Variants in BEND5 observed in about 807,000 individuals in gnomAD.
BEND5 encodes BEN domain containing 5.
Under a neutral mutation model 43.9 loss-of-function variants are expected in BEND5, and 22 were observed. That is an observed-to-expected ratio of 0.50 (90% CI 0.36 to 0.72). The LOEUF is 0.72. Among genes scored for constraint, BEND5 ranks in the 30% least tolerant of loss-of-function variants. BEND5 has a pLI of 0.00. For synonymous variants in BEND5, 228 were observed against 225.9 expected, an observed-to-expected ratio of 1.01 and a Z score of -0.08; for missense variants, 428 against 550.6, an observed-to-expected ratio of 0.78 and a Z score of 2.23.
chr1:48,730,734 T>C (rs1201634834), intron 5 of BEND5, among the ~76,000 whole-genome samples: 4 of 152,200 alleles, frequency 2.6e-5, no homozygotes, highest in Admixed American at 2.6e-4. Context: ...TTGCCGGGAA[T>C]GTCTCCCTCT....
intron 5 of BEND5, among the ~76,000 whole-genome samples, chr1:48,728,280 G>A (rs562366391): frequency 3.3e-5 from 5 of 152,014 alleles, no homozygotes; most frequent in African/African-American, 4.8e-5. Context: ...CCACTCAGTG[G>A]AGCAGGATAC....
At chr1:48,746,627 G>T (rs1424990352) in intron 3 of BEND5, among the ~76,000 whole-genome samples, 3 of 152,214 alleles carry the variant, frequency 2.0e-5, no homozygotes, top group South Asian at 4.1e-4. Flanking sequence ...TCTACAGAAG[G>T]TCGGCTTGAA....
At chr1:48,771,748 T>C (rs1366834030) in intron 1 of BEND5, among the ~76,000 whole-genome samples, 1 of 152,196 alleles carries the variant, frequency 6.6e-6, no homozygotes, top group Non-Finnish European at 1.5e-5. Context: ...TTTGTAGAAG[T>C]TCCAAAGCAT....
intron 1 of BEND5, among the ~76,000 whole-genome samples, chr1:48,763,166 G>T (rs1045222424): frequency 6.6e-6 from 1 of 152,026 alleles, no homozygotes; most frequent in African/African-American, 2.4e-5. Flanking sequence ...GATGATAAAT[G>T]AACTGCTCAG....
rs893532633 is a variant in BEND5, at chr1:48,757,044, G to A, written c.745+1856C>T. On this transcript the variant is annotated intron_variant, in intron 3 of 5. Transcript: ENST00000371833. Reference sequence around the variant, plus strand: ...AAAGAGGCATATAATGATGTAAAATGCAGGGTGTCTTACCACCCCAGAGGC... The same window carrying A: ...AAAGAGGCATATAATGATGTAAAATACAGGGTGTCTTACCACCCCAGAGGC... Among the ~76,000 whole-genome samples, 3 of 152,156 alleles carry A rather than the reference G, an allele frequency of 2.0e-5. No individual in the cohort carries two copies. The South Asian group carries it at 6.2e-4, about 32-fold the overall frequency.
chr1:48,769,048 T>G lies in BEND5; in HGVS notation c.226+7558A>C, dbSNP rs778159603. On this transcript the variant is annotated intron_variant, in intron 1 of 5. Transcript: ENST00000371833. The stretch of plus-strand genomic sequence containing the variant: ...CTGCCTCTCTCATTAACTTGTTTGG[T>G]GATTAGTCCTCTCTTGATTTTCTTT... Among the ~76,000 whole-genome samples, 50 of 152,150 alleles carry G rather than the reference T, an allele frequency of 3.3e-4. 1 individual carries two copies. Among genetic ancestry groups the G allele is most frequent in the Non-Finnish European group, 6.0e-4 (41 of 68,022 alleles).
intron 3 of BEND5, among the ~76,000 whole-genome samples, chr1:48,753,284 CA>C (rs1241942951): frequency 1.3e-5 from 2 of 152,204 alleles, no homozygotes; most frequent in Admixed American, 1.3e-4. Flanking sequence ...GAGGAGAAAA[CA>C]GACACCTGAG....
At chr1:48,748,216 T>C (rs999548082) in intron 3 of BEND5, among the ~76,000 whole-genome samples, 2 of 152,128 alleles carry the variant, frequency 1.3e-5, no homozygotes, top group African/African-American at 2.4e-5. Flanking sequence ...CGGAGCTGGG[T>C]AGGAGGATCC....
At chr1:48,767,017 A>C (rs1425331065) in intron 1 of BEND5, among the ~76,000 whole-genome samples, 1 of 152,174 alleles carries the variant, frequency 6.6e-6, no homozygotes, top group Non-Finnish European at 1.5e-5. Context: ...TCCTAACCCT[A>C]ATCCTGAGTT....
Position 48,761,357 on chromosome 1 carries a change from A to C in BEND5, c.340T>G (p.Leu114Val). ...GTTACCTTGATGTGTCTAAGCTGTA[A>C]ATCTTCTTCCCCATAATCTTTAACC... Reference protein sequence around the residue: ...GEVKDYGEEDLQLRHIKRPEG... With the variant: ...GEVKDYGEEDVQLRHIKRPEG... Residue 114 changes from leucine to valine, a missense_variant, in exon 2 of 6, where the codon TTA becomes GTA. Physicochemically the swap from Leu to Val is conservative, Grantham distance 32. This residue lies in a region of BEND5 where 243 missense variants were observed against 286.4 expected (regional missense o/e 0.85). Transcript: ENST00000371833. The C allele has an allele frequency of 1.3e-6, 2 of 1,551,882 alleles. No individual in the cohort carries two copies. Among genetic ancestry groups the C allele is most frequent in the Non-Finnish European group, 1.7e-6 (2 of 1,147,024 alleles).
intron 3 of BEND5, among the ~76,000 whole-genome samples, chr1:48,744,983 A>G (rs945435068): frequency 9.2e-6 from 1 of 108,344 alleles, no homozygotes; most frequent in East Asian, 2.0e-4. Context: ...CTTGATTGTC[A>G]TCACTCCCAG....
chr1:48,758,158 T>C (rs1187673655), intron 3 of BEND5, among the ~76,000 whole-genome samples: 1 of 152,242 alleles, frequency 6.6e-6, no homozygotes, highest in Non-Finnish European at 1.5e-5. Flanking sequence ...AAAGGAGTTT[T>C]ATACGTCTTT....
chr1:48,728,650 C>T (rs897710922), intron 5 of BEND5, among the ~76,000 whole-genome samples: 2 of 152,152 alleles, frequency 1.3e-5, no homozygotes, highest in Non-Finnish European at 2.9e-5. Context: ...CAATTAAAAA[C>T]ACTCTGGCAC....
intron 3 of BEND5, among the ~76,000 whole-genome samples, chr1:48,753,048 C>T (rs1652004593): frequency 6.6e-6 from 1 of 152,160 alleles, no homozygotes; most frequent in Non-Finnish European, 1.5e-5. Context: ...GCCCCCGGCC[C>T]ATTTGCTCCT....
At chr1:48,745,316 GAGA>G (rs1340712891) in intron 3 of BEND5, among the ~76,000 whole-genome samples, 5 of 152,158 alleles carry the variant, frequency 3.3e-5, no homozygotes, top group Non-Finnish European at 7.3e-5. Context: ...CTTGGAGTCC[GAGA>G]AGTAGAAATC....
intron 5 of BEND5, 85 bp from the exon 6 acceptor site, chr1:48,728,128 C>T (rs1162085860): frequency 2.4e-6 from 3 of 1,243,244 alleles, no homozygotes; most frequent in African/African-American, 3.0e-5. Flanking sequence ...AAATGTACCT[C>T]CCAACATACT....
Position 48,744,266 on chromosome 1 carries a change from T to A in BEND5, c.746-1495A>T, listed in dbSNP as rs140669929. ...GAGTAGGCACTCTCTAAATGTTTGC[T>A]AAGTAAATAAAACAATGACAACAAT... On this transcript the variant is annotated intron_variant, in intron 3 of 5. Transcript: ENST00000371833. Among the ~76,000 whole-genome samples the A allele has an allele frequency of 3.3e-3, 498 of 152,352 alleles. 2 individuals carry two copies. The highest frequency in any genetic ancestry group is 0.011 in the African/African-American group (463 of 41,580).
At chr1:48,759,957 T>C (rs749654750) in intron 2 of BEND5, among the ~76,000 whole-genome samples, 1 of 152,174 alleles carries the variant, frequency 6.6e-6, no homozygotes, top group African/African-American at 2.4e-5. Flanking sequence ...AATTCTAGCA[T>C]TGAAAGGTAC....
At position 48,758,906 on chromosome 1, in the gene BEND5, C is replaced by T. The variant is rs375012612; in HGVS notation, c.739G>A (p.Gly247Ser). Reference sequence around the variant, plus strand: ...GACCTGCTGGGGCACTCACCGCTGCCAAGCCGCAGGAGCAGCACGTCCTGG... The same window carrying T: ...GACCTGCTGGGGCACTCACCGCTGCTAAGCCGCAGGAGCAGCACGTCCTGG... The part of the protein sequence containing the change: ...RLQDVLLLRL[G>S]SGPAIDLEKV... The change falls in exon 3 of 6, where the codon GGC becomes AGC. Residue 247 changes from glycine (G) to serine (S), a missense_variant. This residue lies in a region of BEND5 where 243 missense variants were observed against 286.4 expected (regional missense o/e 0.85). Transcript: ENST00000371833. The T allele has an allele frequency of 2.6e-6, 4 of 1,517,956 alleles. No homozygotes were observed. The highest frequency in any genetic ancestry group is 3.5e-6 in the Non-Finnish European group (4 of 1,136,368). 94.0% of individuals were successfully genotyped at this position (1,517,956 alleles called of 1,614,324 possible).
Sources: gnomAD v4.1 joint callset for allele counts (sites outside exome capture counted in the v4.1 genomes callset) on GRCh38, gnomAD v4.1.1 for gene constraint, gnomAD v4.1.1 regional missense constraint, MANE v1.5 for transcripts, NCBI Gene and HGNC (gene_info 2026-07-23, HGNC 2026-07-21) for gene names.